The following GPM6A variants were observed in gnomAD, a reference collection of about 807,000 sequenced individuals.
GPM6A encodes neuronal membrane glycoprotein M6-a.
A neutral mutation model predicts 32.1 loss-of-function variants in GPM6A; 7 were observed. The ratio of observed to expected loss-of-function variants is 0.22; its 90% CI spans 0.12 to 0.41. The LOEUF is 0.41. Among genes scored for constraint, GPM6A ranks in the 10% least tolerant of loss-of-function variants. GPM6A has a pLI of 1.00. For synonymous variants in GPM6A, 130 were observed against 123.4 expected (o/e 1.05, Z -0.35); for missense variants, 235 against 347.2 (o/e 0.68, Z 2.57).
Position 175,689,057 on chromosome 4 carries a change from G to A in GPM6A, c.230+12518C>T, listed in dbSNP as rs185788140. The stretch of plus-strand genomic sequence containing the variant: ...TTTTGTAGAGATAGGGATTACGAAC[G>A]CACTGGGATTACAGTCATGAGCCAC... On this transcript the variant is annotated intron_variant, in intron 2 of 6. Transcript: ENST00000393658. Among the ~76,000 whole-genome samples the A allele has an allele frequency of 3.1e-3, 471 of 152,158 alleles. 1 individual carries two copies. The highest frequency in any genetic ancestry group is 5.2e-3 in the Non-Finnish European group (354 of 68,000).
intron 2 of GPM6A, among the ~76,000 whole-genome samples, chr4:175,697,090 C>G (rs1744621077): frequency 6.6e-6 from 1 of 152,058 alleles, no homozygotes; most frequent in Non-Finnish European, 1.5e-5. Flanking sequence ...AAAATATTCA[C>G]TCTAGAAGAC....
At chr4:175,671,877 G>A (rs1003877774) in intron 3 of GPM6A, among the ~76,000 whole-genome samples, 1 of 151,560 alleles carries the variant, frequency 6.6e-6, no homozygotes, top group African/African-American at 2.4e-5. Flanking sequence ...GGGGCATCTT[G>A]CTGGGCTGAC....
At chr4:175,683,431 T>C (rs1258347338) in intron 2 of GPM6A, among the ~76,000 whole-genome samples, 3 of 152,044 alleles carry the variant, frequency 2.0e-5, no homozygotes, top group African/African-American at 7.2e-5. Flanking sequence ...AGACTTTGGG[T>C]GACTGTTGGG....
At chr4:175,717,915 G>T (rs1745922353) in intron 1 of GPM6A, among the ~76,000 whole-genome samples, 2 of 152,170 alleles carry the variant, frequency 1.3e-5, no homozygotes, top group African/African-American at 4.8e-5. Flanking sequence ...ATTTAGTGAA[G>T]CAACATGGCA....
chr4:175,864,228 A>G (rs1004588061), intron 1 of GPM6A, among the ~76,000 whole-genome samples: 13 of 152,156 alleles, frequency 8.5e-5, no homozygotes, highest in Non-Finnish European at 1.5e-4. Flanking sequence ...ATGAAGTGGC[A>G]CGGTAATGGC....
At chr4:175,669,598 T>C (rs1742940243) in intron 3 of GPM6A, among the ~76,000 whole-genome samples, 1 of 152,204 alleles carries the variant, frequency 6.6e-6, no homozygotes, top group African/African-American at 2.4e-5. Flanking sequence ...TTTCTTTATC[T>C]CTGAAACAGG....
At chr4:175,847,041 C>G (rs774977208) in intron 1 of GPM6A, among the ~76,000 whole-genome samples, 108 of 152,170 alleles carry the variant, frequency 7.1e-4, no homozygotes, top group Non-Finnish European at 8.8e-4. Context: ...TCAAACAATA[C>G]TAAAACATAT....
intron 1 of GPM6A, among the ~76,000 whole-genome samples, chr4:175,978,473 G>A (rs114491854): frequency 0.018 from 2,719 of 152,094 alleles, 66 homozygotes; most frequent in African/African-American, 0.061. Context: ...TTTTCTTTTA[G>A]AGTACCCAAA....
chr4:175,995,691 T>C (rs1741287715), intron 1 of GPM6A, among the ~76,000 whole-genome samples: 2 of 152,198 alleles, frequency 1.3e-5, no homozygotes, highest in African/African-American at 4.8e-5. Flanking sequence ...TGCTTTAAGG[T>C]ATTTTAGCTA....
chr4:175,871,448 C>T (rs1463925746), intron 1 of GPM6A, among the ~76,000 whole-genome samples: 5 of 151,892 alleles, frequency 3.3e-5, no homozygotes, highest in Admixed American at 6.6e-5. Flanking sequence ...CCAGCCTGGG[C>T]GACAGAGTAA....
intron 4 of GPM6A, among the ~76,000 whole-genome samples, chr4:175,650,282 ATTTATTTATTTATTTATTTATT>A (rs1013379082): frequency 6.0e-4 from 9 of 15,092 alleles, no homozygotes; most frequent in Non-Finnish European, 2.4e-3. Flanking sequence ...TTATTTATTT[ATTTATTTATTTATTTATTTATT>A]TATTTATTTA....
intron 1 of GPM6A, among the ~76,000 whole-genome samples, chr4:175,914,619 G>A (rs534626585): frequency 2.6e-4 from 40 of 152,174 alleles, no homozygotes; most frequent in Non-Finnish European, 5.4e-4. Context: ...CACCGCGTCC[G>A]CCTGCAAATC....
intron 1 of GPM6A, among the ~76,000 whole-genome samples, chr4:175,831,421 C>A (rs751596417): frequency 1.3e-5 from 2 of 152,140 alleles, no homozygotes; most frequent in Non-Finnish European, 2.9e-5. Context: ...TTACTTTATG[C>A]CTGACTATAG....
At chr4:175,708,404 A>ATTTATTTAT (rs1217202492) in intron 1 of GPM6A, among the ~76,000 whole-genome samples, 2 of 85,476 alleles carry the variant, frequency 2.3e-5, no homozygotes, top group African/African-American at 8.2e-5. Flanking sequence ...TATTTATTTG[A>ATTTATTTAT]GATGGAGTTT....
chr4:175,773,997 T>C (rs1733294071), intron 1 of GPM6A, among the ~76,000 whole-genome samples: 1 of 152,128 alleles, frequency 6.6e-6, no homozygotes, highest in South Asian at 2.1e-4. Flanking sequence ...AATCAACATA[T>C]CAAATTCATA....
At chr4:175,753,644 T>A (rs1732421464) in intron 1 of GPM6A, among the ~76,000 whole-genome samples, 1 of 152,160 alleles carries the variant, frequency 6.6e-6, no homozygotes, top group African/African-American at 2.4e-5. Flanking sequence ...TTCTTTATAT[T>A]CCAGCAAATT....
At chr4:175,717,247 C>T (rs924848331) in intron 1 of GPM6A, among the ~76,000 whole-genome samples, 1 of 152,168 alleles carries the variant, frequency 6.6e-6, no homozygotes, top group Non-Finnish European at 1.5e-5. Context: ...CCATGCTAGG[C>T]TCCTTCCTGC....
intron 1 of GPM6A, among the ~76,000 whole-genome samples, chr4:175,870,266 AT>A (rs34006344): frequency 0.4 from 60,716 of 151,598 alleles, 12,987 homozygotes; most frequent in African/African-American, 0.57. Flanking sequence ...TTTTTTTTCA[AT>A]TTTTTTCAGG....
chr4:175,816,704 C>T (rs569388557), upstream of GPM6A, among the ~76,000 whole-genome samples: 3 of 152,262 alleles, frequency 2.0e-5, no homozygotes, highest in South Asian at 2.1e-4. Flanking sequence ...TTTTATTCTA[C>T]GTCAAATGTT....
Sources: gnomAD v4.1 joint callset for allele counts (sites outside exome capture counted in the v4.1 genomes callset) on GRCh38, gnomAD v4.1.1 for gene constraint, MANE v1.5 for transcripts, NCBI Gene and HGNC (gene_info 2026-07-23, HGNC 2026-07-21) for gene names.